The following ASCC3 variants were observed in gnomAD, a reference collection of about 807,000 sequenced individuals.
The protein encoded by ASCC3 is activating signal cointegrator 1 complex subunit 3.
In ASCC3, 158 loss-of-function variants were observed where a neutral mutation model predicts 256.3. That is an observed-to-expected ratio of 0.62 (90% CI 0.54 to 0.70). ASCC3 has a LOEUF of 0.70. ASCC3 is among the 30% of genes least tolerant of loss of function. ASCC3 has a pLI of 0.00. For synonymous variants in ASCC3, 948 were observed against 883.4 expected (o/e 1.07, Z -1.30); for missense variants, 2,259 against 2,626.0 (o/e 0.86, Z 3.05).
At chr6:100,515,662 GA>G (rs1463996412) in intron 39 of ASCC3, among the ~76,000 whole-genome samples, 1 of 152,056 alleles carries the variant, frequency 6.6e-6, no homozygotes, top group Non-Finnish European at 1.5e-5. Context: ...TAGTTTATTT[GA>G]AAGGATACTT....
chr6:100,781,000 A>G (rs2114257327), intron 8 of ASCC3, among the ~76,000 whole-genome samples: 1 of 152,366 alleles, frequency 6.6e-6, no homozygotes, highest in African/African-American at 2.4e-5. Flanking sequence ...CCTTTAAAAT[A>G]TGACTACTAT....
At chr6:100,796,713 C>G (rs1389428741) in intron 8 of ASCC3, among the ~76,000 whole-genome samples, 1 of 152,174 alleles carries the variant, frequency 6.6e-6, no homozygotes, top group Non-Finnish European at 1.5e-5. Context: ...ACCACCTGAT[C>G]TGTGACTTTC....
At chr6:100,622,763 G>GTA (rs1774022583) in intron 30 of ASCC3, among the ~76,000 whole-genome samples, 1 of 151,858 alleles carries the variant, frequency 6.6e-6, no homozygotes, top group African/African-American at 2.4e-5. Flanking sequence ...AACCACGAGA[G>GTA]TATATTCTAT....
At chr6:100,595,289 G>GTACAC (rs778217378) in intron 34 of ASCC3, among the ~76,000 whole-genome samples, 8,493 of 152,130 alleles carry the variant, frequency 0.056, 337 homozygotes, top group Non-Finnish European at 0.085. Flanking sequence ...TACACGTTTT[G>GTACAC]AAACAGCACA....
chr6:100,556,447 T>C lies in ASCC3; in HGVS notation c.5551-16060A>G, dbSNP rs190421165. Among the ~76,000 whole-genome samples the C allele has an allele frequency of 2.4e-3, 371 of 152,288 alleles. 2 individuals are homozygous for C. The highest frequency in any genetic ancestry group is 0.021 in the South Asian group (99 of 4,828). The stretch of plus-strand genomic sequence containing the variant: ...ACCATGTGGATGGATGAATGTCAGA[T>C]ACATTGTCCAGGTGGGAATCATAAG... On this transcript the variant is annotated intron_variant, in intron 36 of 41. Coordinates refer to ENST00000369162, the MANE Select transcript of ASCC3 (RefSeq NM_006828.4).
intron 37 of ASCC3, among the ~76,000 whole-genome samples, chr6:100,518,902 TAC>T (rs1774165974): frequency 6.6e-6 from 1 of 152,150 alleles, no homozygotes; most frequent in Admixed American, 6.5e-5. Flanking sequence ...AGCTATTTTA[TAC>T]AGTTTTAGTA....
intron 13 of ASCC3, among the ~76,000 whole-genome samples, chr6:100,696,476 G>A (rs576365216): frequency 2.2e-4 from 33 of 152,034 alleles, no homozygotes; most frequent in African/African-American, 7.9e-4. Context: ...GTTTATGGTA[G>A]TAACCTAACT....
intron 4 of ASCC3, among the ~76,000 whole-genome samples, chr6:100,818,421 G>C (rs1770859469): frequency 6.6e-6 from 1 of 151,780 alleles, no homozygotes; most frequent in Non-Finnish European, 1.5e-5. Context: ...ACAAAAACTA[G>C]CTGGGTGCAG....
At chr6:100,534,034 G>T (rs747994430) in intron 37 of ASCC3, among the ~76,000 whole-genome samples, 8 of 152,168 alleles carry the variant, frequency 5.3e-5, no homozygotes, top group Non-Finnish European at 8.8e-5. Context: ...TGTAGTCCTA[G>T]AAGTTTGAGA....
At chr6:100,557,748 CA>C (rs1466408722) in intron 36 of ASCC3, among the ~76,000 whole-genome samples, 1 of 151,156 alleles carries the variant, frequency 6.6e-6, no homozygotes, top group Non-Finnish European at 1.5e-5. Context: ...TTAATGGGCA[CA>C]AAAAAATAGT....
intron 36 of ASCC3, among the ~76,000 whole-genome samples, chr6:100,550,996 A>C (rs944188585): frequency 2.6e-5 from 4 of 151,990 alleles, no homozygotes; most frequent in Non-Finnish European, 5.9e-5. Flanking sequence ...TAAGTTTAAT[A>C]AAAATGCCTT....
chr6:100,578,649 T>C (rs2114740347), intron 36 of ASCC3, among the ~76,000 whole-genome samples: 1 of 152,298 alleles, frequency 6.6e-6, no homozygotes, highest in Admixed American at 6.5e-5. Context: ...TACCACATTA[T>C]CTTTATCCAG....
chr6:100,586,430 G>A lies in ASCC3; in HGVS notation c.5550+3204C>T, dbSNP rs185295805. On this transcript the variant is annotated intron_variant, in intron 36 of 41. Transcript: ENST00000369162. ...TCCTGATGCGCCATTTTTTAAGCTC[G>A]TTGGAAAAGTGCAGTATTCGGGTGG... is the stretch of plus-strand genomic sequence containing the variant. Among the ~76,000 whole-genome samples the A allele has an allele frequency of 2.4e-3, 366 of 152,296 alleles. 1 individual carries two copies. The highest frequency in any genetic ancestry group is 7.7e-3 in the African/African-American group (320 of 41,564).
intron 10 of ASCC3, among the ~76,000 whole-genome samples, chr6:100,753,873 G>C (rs1781055185): frequency 1.3e-5 from 2 of 152,104 alleles, no homozygotes; most frequent in Admixed American, 6.6e-5. Flanking sequence ...GTAACAGGCT[G>C]AACATAAAAT....
chr6:100,516,037 T>C (rs1226419701), intron 39 of ASCC3, 143 bp downstream of exon 39: 1 of 999,360 alleles, frequency 1.0e-6, no homozygotes, highest in Non-Finnish European at 1.6e-6. Context: ...TATGTTTTCA[T>C]GTTCATAATC....
chr6:100,652,811 G>A lies in ASCC3; in HGVS notation c.2902C>T (p.Arg968Cys), dbSNP rs748496422. 4.3e-6 allele frequency: 7 copies of A among 1,613,676 alleles called. No homozygotes were observed. Among genetic ancestry groups the A allele is most frequent in the Non-Finnish European group, 5.9e-6 (7 of 1,179,886 alleles). Reference sequence around the variant, plus strand: ...AAATATCCAGTTCGCTCCTCAAAACGAATCATCTGAGCTTTGTCTAGTTTT... The same window carrying A: ...AAATATCCAGTTCGCTCCTCAAAACAAATCATCTGAGCTTTGTCTAGTTTT... ...GRKLDKAQMI[R>C]FEERTGYFSS... is the part of the protein sequence containing the mutation. The change falls in exon 18 of 42, where the codon CGT becomes TGT. Residue 968 changes from arginine (R) to cysteine (C), a missense_variant. This residue lies in a region of ASCC3 where 1,839 missense variants were observed against 2,206.7 expected (regional missense o/e 0.83). Transcript: ENST00000369162.
intron 4 of ASCC3, among the ~76,000 whole-genome samples, chr6:100,814,548 T>C (rs1770648561): frequency 6.6e-6 from 1 of 152,188 alleles, no homozygotes. Context: ...TCTGGTAGAA[T>C]TCAGCTGTGA....
intron 6 of ASCC3, 86 bp from the exon 7 acceptor site, chr6:100,799,658 T>G: frequency 1.4e-6 from 2 of 1,383,288 alleles, no homozygotes; most frequent in South Asian, 2.5e-5. Context: ...TAAAAGATAT[T>G]GGGAGCTAGC....
chr6:100,618,143 T>C (rs1773762302), intron 30 of ASCC3, among the ~76,000 whole-genome samples: 1 of 152,208 alleles, frequency 6.6e-6, no homozygotes, highest in Non-Finnish European at 1.5e-5. Context: ...TTTGGGGAAG[T>C]AGGAAGCGAA....
Sources: allele counts gnomAD v4.1 joint callset (sites outside exome capture counted in the v4.1 genomes callset), GRCh38; gene constraint gnomAD v4.1.1; regional missense constraint gnomAD v4.1.1; transcripts MANE v1.5; gene names NCBI Gene and HGNC (gene_info 2026-07-23, HGNC 2026-07-21).